The following UBE2V2 variants were observed in gnomAD, a reference collection of about 807,000 sequenced individuals.
UBE2V2 encodes the protein ubiquitin-conjugating enzyme E2 variant 2.
UBE2V2 carries 9 observed loss-of-function variants against 17.2 expected under a neutral mutation model. The observed-to-expected ratio is 0.52, with a 90% CI of 0.32 to 0.91. The LOEUF is 0.91. Ranked by LOEUF, UBE2V2 falls within the 40% of genes least tolerant of loss-of-function variation. The probability of loss-of-function intolerance (pLI) is 0.04; values close to 1 mark genes in which losing one functional copy is unlikely to be tolerated. For synonymous variants in UBE2V2, 61 were observed against 57.5 expected, an observed-to-expected ratio of 1.06 and a Z score of -0.28; for missense variants, 133 against 182.6, an observed-to-expected ratio of 0.73 and a Z score of 1.56.
intron 1 of UBE2V2, among the ~76,000 whole-genome samples, chr8:48,035,948 CTTT>C (rs780718248): frequency 8.2e-6 from 1 of 121,710 alleles, no homozygotes; most frequent in Non-Finnish European, 1.7e-5. Context: ...CCTTGCCTTT[CTTT>C]TTTTTTTTTT....
chr8:48,031,738 C>T (rs1410033952), intron 1 of UBE2V2, among the ~76,000 whole-genome samples: 1 of 152,076 alleles, frequency 6.6e-6, no homozygotes, highest in Non-Finnish European at 1.5e-5. Context: ...TCACTGCAAC[C>T]TCCGCCTCCC....
At chr8:48,035,107 C>CTTTTTTTTTT (rs578114987) in intron 1 of UBE2V2, 200 of 855,354 alleles carry the variant, frequency 2.3e-4, no homozygotes, top group African/African-American at 1.3e-3. Flanking sequence ...CCTATTTATT[C>CTTTTTTTTTT]TTTTTTTTTT....
chr8:48,042,942 T>C, intron 1 of UBE2V2, 91 bp from the exon 2 acceptor site: 1 of 1,267,182 alleles, frequency 7.9e-7, no homozygotes, highest in Non-Finnish European at 1.0e-6. Flanking sequence ...AAATAATTTA[T>C]AAAGGTTAAT....
upstream of UBE2V2, among the ~76,000 whole-genome samples, chr8:48,005,384 T>C (rs1029535785): frequency 2.6e-5 from 4 of 152,198 alleles, no homozygotes; most frequent in African/African-American, 9.7e-5. Context: ...TTCCATGGTG[T>C]ATATTTGCCA....
intron 3 of UBE2V2, among the ~76,000 whole-genome samples, chr8:48,055,919 G>A (rs2091568720): frequency 6.6e-6 from 1 of 151,136 alleles, no homozygotes; most frequent in South Asian, 2.1e-4. Context: ...CCACCACACG[G>A]GGCTAATTTT....
intron 2 of UBE2V2, among the ~76,000 whole-genome samples, chr8:48,048,088 T>G (rs1425272033): frequency 6.6e-6 from 1 of 151,750 alleles, no homozygotes; most frequent in Non-Finnish European, 1.5e-5. Flanking sequence ...CAAATGTAGC[T>G]TGTTACCCCT....
At chr8:48,006,023 T>G (rs1233871495), upstream of UBE2V2, among the ~76,000 whole-genome samples, 1 of 152,240 alleles carries the variant, frequency 6.6e-6, no homozygotes, top group Non-Finnish European at 1.5e-5. Context: ...TTTAATCAGA[T>G]TCCATTTGTC....
rs545358929 is a variant in UBE2V2, at chr8:48,010,838, C to G, written c.16+2368C>G. Among the ~76,000 whole-genome samples, 6 of 151,082 alleles carry G rather than the reference C, an allele frequency of 4.0e-5. No homozygotes were observed. The South Asian group carries it at 1.2e-3, about 31-fold the overall frequency. ...TCAGCCTCTTGAGTAGCTGGGATTACAGGTGCATGCCACCACGCCCAGCAA... is the reference window on the plus strand; with the variant it reads ...TCAGCCTCTTGAGTAGCTGGGATTAGAGGTGCATGCCACCACGCCCAGCAA... On this transcript the variant is annotated intron_variant, in intron 1 of 3. Transcript: ENST00000523111.
At chr8:48,020,310 T>C (rs2091296258) in intron 1 of UBE2V2, among the ~76,000 whole-genome samples, 3 of 152,164 alleles carry the variant, frequency 2.0e-5, no homozygotes, top group Non-Finnish European at 2.9e-5. Flanking sequence ...ATGCTGGGAT[T>C]ATAGGGTCTT....
chr8:48,006,659 C>G (rs967592914), upstream of UBE2V2, among the ~76,000 whole-genome samples: 4 of 152,070 alleles, frequency 2.6e-5, no homozygotes, highest in Middle Eastern at 3.4e-3. Flanking sequence ...TAAATGTAAT[C>G]CATCACATAA....
chr8:48,000,022 G>A, the UBE2V2 span, among the ~76,000 whole-genome samples: 6 of 152,244 alleles, frequency 3.9e-5, no homozygotes, highest in Non-Finnish European at 8.8e-5. Flanking sequence ...TAACATAACC[G>A]GTTAGGTCAG....
At chr8:48,046,223 C>A (rs1162415630) in intron 2 of UBE2V2, among the ~76,000 whole-genome samples, 1 of 152,094 alleles carries the variant, frequency 6.6e-6, no homozygotes, top group Non-Finnish European at 1.5e-5. Flanking sequence ...GCGTTCATAC[C>A]ATTCTCCTGC....
At chr8:48,004,543 T>G (rs1237744780), upstream of UBE2V2, among the ~76,000 whole-genome samples, 1 of 151,270 alleles carries the variant, frequency 6.6e-6, no homozygotes, top group Non-Finnish European at 1.5e-5. Context: ...TTTTTGTTTT[T>G]TTTTTGAGGC....
Position 48,016,608 on chromosome 8 carries a change from G to C in UBE2V2, c.16+8138G>C, listed in dbSNP as rs367874446. ...AGCAATTCTCCTGCCTCAGCCTCCC[G>C]AGTAGCTGGGATTACAGCCACGCAC... On this transcript the variant is annotated intron_variant, in intron 1 of 3. Transcript: ENST00000523111. 3.9e-3 allele frequency among the ~76,000 whole-genome samples: 594 copies of C among 151,224 alleles called. 4 individuals are homozygous for C. Among genetic ancestry groups the C allele is most frequent in the South Asian group, 0.025 (118 of 4,778 alleles).
chr8:48,051,846 G>A (rs1427559454), intron 3 of UBE2V2, among the ~76,000 whole-genome samples: 1 of 152,074 alleles, frequency 6.6e-6, no homozygotes, highest in Non-Finnish European at 1.5e-5. Context: ...AAGGTCATTG[G>A]AAACCTTAGC....
chr8:48,037,570 ACCT>A (rs1384801879), intron 1 of UBE2V2, among the ~76,000 whole-genome samples: 1 of 151,828 alleles, frequency 6.6e-6, no homozygotes, highest in Non-Finnish European at 1.5e-5. Flanking sequence ...TTATGATGTT[ACCT>A]CCTCCTTCTT....
intron 1 of UBE2V2, among the ~76,000 whole-genome samples, chr8:48,019,891 A>T (rs2091293572): frequency 6.6e-6 from 1 of 152,134 alleles, no homozygotes; most frequent in South Asian, 2.1e-4. Context: ...TAATTGCTTG[A>T]ACTCAGGAGG....
intron 1 of UBE2V2, among the ~76,000 whole-genome samples, chr8:48,018,078 C>T (rs776368367): frequency 6.8e-4 from 103 of 152,204 alleles, no homozygotes; most frequent in Non-Finnish European, 8.4e-4. Flanking sequence ...CTCAGGTGAT[C>T]CACACGCCTC....
chr8:48,037,580 T>C (rs566351400), intron 1 of UBE2V2, among the ~76,000 whole-genome samples: 11 of 152,340 alleles, frequency 7.2e-5, no homozygotes, highest in Admixed American at 3.3e-4. Flanking sequence ...ACCTCCTCCT[T>C]CTTACGCTTC....
Sources: allele counts gnomAD v4.1 joint callset (sites outside exome capture counted in the v4.1 genomes callset), GRCh38; gene constraint gnomAD v4.1.1; transcripts MANE v1.5; gene names NCBI Gene and HGNC (gene_info 2026-07-23, HGNC 2026-07-21).